The following NBDY variants were observed in gnomAD, a reference collection of about 807,000 sequenced individuals.
NBDY encodes the protein P-body dissociating protein.
chrX:56,787,060 C>G lies in NBDY; in HGVS notation c.*167-30260C>G, dbSNP rs896787226. Among the ~76,000 whole-genome samples the G allele has an allele frequency of 3.6e-5, 4 of 111,179 alleles. No individual in the cohort carries two copies. The East Asian group carries it at 8.5e-4, about 24-fold the overall frequency. On this transcript the variant is annotated intron_variant, in intron 2 of 2. Transcript: ENST00000374922. ...TGAGATTTGTCAAGTTGTCATCTCTCTCCTTTTTTCCAGTCCAGCCATGTG... is the reference window on the plus strand; with the variant it reads ...TGAGATTTGTCAAGTTGTCATCTCTGTCCTTTTTTCCAGTCCAGCCATGTG...
chrX:56,815,540 A>T (rs6612659), intron 2 of NBDY, among the ~76,000 whole-genome samples: 1 of 110,145 alleles, frequency 9.1e-6, no homozygotes, highest in Non-Finnish European at 1.9e-5. Context: ...TTGTTTACTG[A>T]AACATTTGAA....
chrX:56,806,504 T>C (rs910209488), intron 2 of NBDY, among the ~76,000 whole-genome samples: 4 of 112,324 alleles, frequency 3.6e-5, no homozygotes, highest in Non-Finnish European at 7.5e-5. Flanking sequence ...TTTTTAATGA[T>C]CACCATTGTA....
intron 2 of NBDY, among the ~76,000 whole-genome samples, chrX:56,756,267 T>C (rs1405472138): frequency 9.2e-6 from 1 of 109,249 alleles, no homozygotes; most frequent in Non-Finnish European, 1.9e-5. Context: ...ATTGTGCACA[T>C]ATACCCTAAA....
intron 1 of NBDY, among the ~76,000 whole-genome samples, chrX:56,731,122 G>GA (rs397947592): frequency 0.07 from 7,269 of 103,109 alleles, 612 homozygotes; most frequent in African/African-American, 0.24. Flanking sequence ...GTAATGCATA[G>GA]AAAAAAAAAA....
At chrX:56,794,093 C>T (rs770850773) in intron 2 of NBDY, among the ~76,000 whole-genome samples, 3 of 112,445 alleles carry the variant, frequency 2.7e-5, no homozygotes, top group Non-Finnish European at 5.6e-5. Flanking sequence ...CTGCAGGCTG[C>T]ATGGCTGCTC....
At chrX:56,791,996 T>C (rs961890656) in intron 2 of NBDY, among the ~76,000 whole-genome samples, 2 of 110,221 alleles carry the variant, frequency 1.8e-5, no homozygotes, top group Non-Finnish European at 3.8e-5. Context: ...AATTTTTTTT[T>C]CTTTGCTTTT....
At chrX:56,792,703 G>C (rs1447808898) in intron 2 of NBDY, among the ~76,000 whole-genome samples, 2 of 111,473 alleles carry the variant, frequency 1.8e-5, no homozygotes, top group African/African-American at 6.5e-5. Context: ...GCCCAAAACT[G>C]CCCACAATCT....
chrX:56,746,747 T>C (rs1354676732), intron 2 of NBDY, among the ~76,000 whole-genome samples: 1 of 111,273 alleles, frequency 9.0e-6, no homozygotes, highest in Admixed American at 9.6e-5. Context: ...GAGCTGTTCC[T>C]AGCTTCTAGA....
At chrX:56,748,301 G>T (rs2069566481) in intron 2 of NBDY, among the ~76,000 whole-genome samples, 1 of 111,383 alleles carries the variant, frequency 9.0e-6, no homozygotes, top group Non-Finnish European at 1.9e-5. Context: ...TAGTTCTCAA[G>T]TATGTGGCTT....
chrX:56,752,063 C>T (rs1160236125), intron 2 of NBDY, among the ~76,000 whole-genome samples: 1 of 112,211 alleles, frequency 8.9e-6, no homozygotes, highest in African/African-American at 3.2e-5. Flanking sequence ...CATAGTATTC[C>T]ATGGTGTACA....
chrX:56,781,008 T>C (rs187369646), intron 2 of NBDY, among the ~76,000 whole-genome samples: 31 of 110,609 alleles, frequency 2.8e-4, no homozygotes, highest in African/African-American at 1.0e-3. Flanking sequence ...TGTCCTTTTC[T>C]CATAAGTGTA....
At chrX:56,765,884 C>T (rs758616529) in intron 2 of NBDY, among the ~76,000 whole-genome samples, 3 of 110,092 alleles carry the variant, frequency 2.7e-5, no homozygotes, top group African/African-American at 9.9e-5. Context: ...CTTTCACTTG[C>T]GGATCTGGGT....
chrX:56,737,438 G>C, intron 2 of NBDY: 2 of 686,395 alleles, frequency 2.9e-6, no homozygotes, highest in Non-Finnish European at 4.7e-6. Context: ...CCTTCTTATG[G>C]CTTCTTTTAT....
chrX:56,735,016 G>C (rs2069479653), intron 2 of NBDY, among the ~76,000 whole-genome samples: 1 of 111,931 alleles, frequency 8.9e-6, no homozygotes, highest in Non-Finnish European at 1.9e-5. Context: ...GACCTGTGCA[G>C]TCTAACCCAG....
chrX:56,794,101 C>A (rs924670350), intron 2 of NBDY, among the ~76,000 whole-genome samples: 3 of 112,418 alleles, frequency 2.7e-5, no homozygotes, highest in African/African-American at 9.7e-5. Context: ...TGCATGGCTG[C>A]TCTGTCTCTG....
At chrX:56,757,406 A>C (rs979178935) in intron 2 of NBDY, among the ~76,000 whole-genome samples, 1 of 112,405 alleles carries the variant, frequency 8.9e-6, no homozygotes, top group African/African-American at 3.2e-5. Flanking sequence ...TAAACAACAA[A>C]AATTGTAACC....
At chrX:56,809,134 T>A (rs1476047243) in intron 2 of NBDY, among the ~76,000 whole-genome samples, 3 of 112,430 alleles carry the variant, frequency 2.7e-5, no homozygotes, top group Non-Finnish European at 5.6e-5. Context: ...CTGTTATAAT[T>A]TCCGTTCTTT....
At chrX:56,795,558 G>A (rs773913169) in intron 2 of NBDY, among the ~76,000 whole-genome samples, 3 of 112,122 alleles carry the variant, frequency 2.7e-5, no homozygotes, top group Non-Finnish European at 3.8e-5. Flanking sequence ...TGTGTAGGCT[G>A]CACTGGGAAC....
At chrX:56,749,700 C>T (rs7058727) in intron 2 of NBDY, among the ~76,000 whole-genome samples, 9,259 of 106,582 alleles carry the variant, frequency 0.087, 794 homozygotes, top group African/African-American at 0.25. Context: ...CACCCAGGCT[C>T]GAGTAGAGTG....
Sources: gnomAD v4.1 joint callset for allele counts (sites outside exome capture counted in the v4.1 genomes callset) on GRCh38, gnomAD v4.1.1 for gene constraint, MANE v1.5 for transcripts, NCBI Gene and HGNC (gene_info 2026-07-23, HGNC 2026-07-21) for gene names.